Variants in WWOX observed in about 807,000 individuals in gnomAD.
WWOX encodes the protein WW domain-containing oxidoreductase.
A neutral mutation model predicts 46.2 loss-of-function variants in WWOX; 69 were observed. The observed-to-expected ratio is 1.49, with a 90% confidence interval of 1.23 to 1.82. WWOX has a LOEUF of 1.82. WWOX is among the 40% of genes most tolerant of loss of function. The probability of loss-of-function intolerance (pLI) is 0.00; values close to 1 mark genes in which losing one functional copy is unlikely to be tolerated. For missense variants in WWOX, 919 were observed against 542.6 expected (o/e 1.69, Z -6.89); for synonymous variants, 359 against 202.6 (o/e 1.77, Z -6.56).
rs575153893 is a variant in WWOX, at chr16:78,506,071, T to C, written c.1056+73319T>C. ...CTGCTGAGTATCGGATTGGTCTGCG[T>C]CCAAGAGCTCCTCGCTTGGCCAGCA... On this transcript the variant is annotated intron_variant, in intron 8 of 8. Coordinates refer to ENST00000566780, the MANE Select transcript of WWOX (RefSeq NM_016373.4). Among the ~76,000 whole-genome samples, 96 of 152,302 alleles carry C rather than the reference T, an allele frequency of 6.3e-4. 2 individuals are homozygous for C. Among genetic ancestry groups the C allele is most frequent in the Admixed American group, 5.4e-3 (83 of 15,300 alleles).
chr16:78,605,006 C>G (rs1448317288), intron 8 of WWOX, among the ~76,000 whole-genome samples: 1 of 124,496 alleles, frequency 8.0e-6, no homozygotes, highest in Non-Finnish European at 1.6e-5. Context: ...CCCTCCTTCC[C>G]TTTTTCCCTC....
intron 5 of WWOX, among the ~76,000 whole-genome samples, chr16:78,337,091 C>T (rs1049270157): frequency 6.6e-6 from 1 of 152,036 alleles, no homozygotes; most frequent in South Asian, 2.1e-4. Context: ...CTAGGATAAT[C>T]TTAATTTTAA....
chr16:78,943,338 T>A (rs1157029784), intron 8 of WWOX, among the ~76,000 whole-genome samples: 1 of 152,098 alleles, frequency 6.6e-6, no homozygotes, highest in Non-Finnish European at 1.5e-5. Flanking sequence ...TCCAAACCCT[T>A]TGGCATTCAA....
At chr16:78,400,812 A>G (rs773076158) in intron 6 of WWOX, among the ~76,000 whole-genome samples, 2 of 152,222 alleles carry the variant, frequency 1.3e-5, no homozygotes, top group South Asian at 4.1e-4. Flanking sequence ...TACAATTCAT[A>G]TATCAGAATA....
intron 8 of WWOX, among the ~76,000 whole-genome samples, chr16:78,542,597 C>T (rs144473404): frequency 0.012 from 1,746 of 150,722 alleles, 30 homozygotes; most frequent in Middle Eastern, 0.045. Context: ...TAAGCAGGTT[C>T]CTACCGCACA....
chr16:78,130,338 T>G (rs11644207), intron 4 of WWOX, among the ~76,000 whole-genome samples: 48,787 of 151,934 alleles, frequency 0.32, 8,398 homozygotes, highest in African/African-American at 0.44. Flanking sequence ...GCTATGTGAA[T>G]GTGAGAACAC....
At chr16:78,558,285 C>A (rs924317414) in intron 8 of WWOX, among the ~76,000 whole-genome samples, 1 of 152,198 alleles carries the variant, frequency 6.6e-6, no homozygotes, top group African/African-American at 2.4e-5. Flanking sequence ...CAGTCATATC[C>A]TAGAAGCTGC....
At chr16:78,560,551 G>A (rs970691019) in intron 8 of WWOX, among the ~76,000 whole-genome samples, 1 of 152,158 alleles carries the variant, frequency 6.6e-6, no homozygotes, top group Non-Finnish European at 1.5e-5. Flanking sequence ...GGCTGAGGCA[G>A]GAGAATCCCT....
intron 8 of WWOX, among the ~76,000 whole-genome samples, chr16:78,822,064 A>G (rs1427691477): frequency 6.6e-6 from 1 of 152,092 alleles, no homozygotes; most frequent in Non-Finnish European, 1.5e-5. Context: ...TCCTGTAGAG[A>G]TGGGGTCTCA....
intron 8 of WWOX, among the ~76,000 whole-genome samples, chr16:79,145,308 A>G (rs2050164543): frequency 1.3e-5 from 2 of 152,206 alleles, no homozygotes; most frequent in Admixed American, 1.3e-4. Flanking sequence ...CGAAACAGCA[A>G]TACTTGTAAC....
chr16:78,468,602 C>T (rs907091346), intron 8 of WWOX, among the ~76,000 whole-genome samples: 2 of 152,120 alleles, frequency 1.3e-5, no homozygotes, highest in Non-Finnish European at 2.9e-5. Context: ...GTGGAAAAAG[C>T]ACATGACTTG....
At chr16:78,543,270 C>A (rs1031393997) in intron 8 of WWOX, among the ~76,000 whole-genome samples, 2 of 152,198 alleles carry the variant, frequency 1.3e-5, no homozygotes, top group African/African-American at 2.4e-5. Flanking sequence ...GAGTCGTTTC[C>A]TCTTGGCTGC....
chr16:78,224,560 C>G (rs566899930), intron 5 of WWOX, among the ~76,000 whole-genome samples: 1 of 152,144 alleles, frequency 6.6e-6, no homozygotes, highest in African/African-American at 2.4e-5. Context: ...ATTTACTTAA[C>G]CAATCCCCTG....
intron 8 of WWOX, chr16:78,898,208 C>G (rs989812124): frequency 6.6e-6 from 1 of 152,004 alleles, no homozygotes; most frequent in Non-Finnish European, 1.5e-5. Context: ...TTCTAAGAAC[C>G]TTTACCAATC....
intron 8 of WWOX, among the ~76,000 whole-genome samples, chr16:78,522,546 C>G (rs1211691590): frequency 2.0e-5 from 3 of 149,420 alleles, no homozygotes; most frequent in African/African-American, 7.4e-5. Flanking sequence ...CTCTTTGACT[C>G]CCTGTATTAC....
At chr16:78,827,436 C>T (rs1293649034) in intron 8 of WWOX, among the ~76,000 whole-genome samples, 3 of 146,570 alleles carry the variant, frequency 2.0e-5, no homozygotes, top group African/African-American at 7.6e-5. Flanking sequence ...TGTGTAGTCT[C>T]GAAGGCTGTT....
At chr16:78,803,791 G>A (rs182215015) in intron 8 of WWOX, among the ~76,000 whole-genome samples, 1 of 152,098 alleles carries the variant, frequency 6.6e-6, no homozygotes, top group Non-Finnish European at 1.5e-5. Context: ...AACCACAGGG[G>A]ATCTGTTGGA....
chr16:78,757,365 C>T (rs2049678127), intron 8 of WWOX, among the ~76,000 whole-genome samples: 1 of 152,180 alleles, frequency 6.6e-6, no homozygotes, highest in Admixed American at 6.5e-5. Context: ...AGCATGACCA[C>T]CATTTAGAGG....
intron 8 of WWOX, among the ~76,000 whole-genome samples, chr16:79,195,271 G>A (rs389195): frequency 0.012 from 1,838 of 152,190 alleles, 22 homozygotes; most frequent in Non-Finnish European, 0.018. Flanking sequence ...GTAGGGGAAC[G>A]TAGCAAGCAG....
Sources: gnomAD v4.1 joint callset for allele counts (sites outside exome capture counted in the v4.1 genomes callset) on GRCh38, gnomAD v4.1.1 for gene constraint, MANE v1.5 for transcripts, NCBI Gene and HGNC (gene_info 2026-07-23, HGNC 2026-07-21) for gene names.